RTEL1: variants seen among roughly 807,000 people sequenced by gnomAD.
RTEL1 encodes regulator of telomere elongation helicase 1.
Under a neutral mutation model 162.2 loss-of-function variants are expected in RTEL1, and 86 were observed. That is an observed-to-expected ratio of 0.53 (90% CI 0.45 to 0.63). The LOEUF (loss-of-function observed/expected upper bound fraction) is 0.63. Among genes scored for constraint, RTEL1 ranks in the 30% least tolerant of loss-of-function variants. The pLI, the probability that RTEL1 is intolerant of heterozygous loss-of-function variation, is 0.00. For synonymous variants in RTEL1, 958 were observed against 717.9 expected (o/e 1.33, Z -5.35); for missense variants, 1,941 against 1,750.2 (o/e 1.11, Z -1.95).
chr20:63,689,584 C>T lies in RTEL1; in HGVS notation c.1961C>T (p.Pro654Leu), dbSNP rs756319530. 37 of 1,612,250 alleles carry T rather than the reference C, an allele frequency of 2.3e-5. No homozygotes were observed. The highest frequency in any genetic ancestry group is 1.7e-5 in the Admixed American group (1 of 59,976). The change falls in exon 23 of 35, where the codon CCC becomes CTC. Residue 654 changes from proline to leucine, a missense_variant. Physicochemically the swap from Pro to Leu is moderately conservative, Grantham distance 98. Coordinates refer to ENST00000360203, the MANE Select transcript of RTEL1 (RefSeq NM_001283009.2). ...TGLPYPPRMD[P>L]RVVLKMQFLD... ...CTCCCGTACCCCCCACGCATGGACC[C>T]CCGGGTTGTCCTCAAGATGCAGTTC... is the stretch of plus-strand genomic sequence containing the variant.
chr20:63,694,928 G>C lies in RTEL1; in HGVS notation c.3297G>C (p.Leu1099Phe), dbSNP rs1478331321. ...DDDLDKVLAV[L>F]AALTTAKPED... ...ACCTCGACAAGGTGCTGGCTGTGTT[G>C]GCCGCCCTGACCACTGCAAAGCCAG... Residue 1099 changes from leucine (L) to phenylalanine (F), a missense_variant, in exon 32 of 35, where the codon TTG becomes TTC. By Grantham distance (22) the Leu-to-Phe change is conservative. Coordinates refer to ENST00000360203, the MANE Select transcript of RTEL1 (RefSeq NM_001283009.2). 4 of 1,612,470 alleles carry C rather than the reference G, an allele frequency of 2.5e-6. No homozygotes were observed. Among genetic ancestry groups the C allele is most frequent in the Non-Finnish European group, 3.4e-6 (4 of 1,179,880 alleles).
chr20:63,673,927 G>T lies in RTEL1; in HGVS notation c.766-13G>T, dbSNP rs1252025798. The stretch of plus-strand genomic sequence containing the variant: ...TCCTGTTCTGTGGTGATTCGGGTGT[G>T]CTTGGGCTCTAGGAGAAGATGTGTG... On this transcript the variant is annotated splice_polypyrimidine_tract_variant and intron_variant, in intron 9 of 34. Transcript: ENST00000360203. 1.9e-6 allele frequency: 3 copies of T among 1,604,606 alleles called. No individual in the cohort carries two copies. The highest frequency in any genetic ancestry group is 2.2e-5 in the South Asian group (2 of 89,944).
intron 6 of RTEL1, among the ~76,000 whole-genome samples, chr20:63,664,319 G>A (rs896958732): frequency 2.6e-5 from 4 of 152,336 alleles, no homozygotes; most frequent in African/African-American, 7.2e-5. Flanking sequence ...CCCATGCAGC[G>A]GGGGTCCTTG....
At chr20:63,689,412 C>T (rs1007224981) in intron 22 of RTEL1, 90 bp from the exon 23 acceptor site, 19 of 1,402,476 alleles carry the variant, frequency 1.4e-5, no homozygotes, top group Middle Eastern at 2.5e-4. Flanking sequence ...TGGTTGGGGA[C>T]GGAGCCTCGG....
At chr20:63,663,972 G>A (rs529031638) in intron 6 of RTEL1, among the ~76,000 whole-genome samples, 1 of 152,190 alleles carries the variant, frequency 6.6e-6, no homozygotes, top group African/African-American at 2.4e-5. Context: ...GGCCTGCAGG[G>A]AGGCTCCCGC....
rs1365051302 is a variant in RTEL1, at chr20:63,668,892, G to T, written c.699+1339G>T. 6.6e-6 allele frequency among the ~76,000 whole-genome samples: 1 copy of T among 152,236 alleles called. No homozygotes were observed. Among genetic ancestry groups the T allele is most frequent in the Non-Finnish European group, 1.5e-5 (1 of 68,024 alleles). ...TCGCTGGTTTCAAGACTCCTCTAAAGCTGCAGGAGTGGAGGTGGAGATGGC... is the reference window on the plus strand; with the variant it reads ...TCGCTGGTTTCAAGACTCCTCTAAATCTGCAGGAGTGGAGGTGGAGATGGC... On this transcript the variant is annotated intron_variant, in intron 8 of 34. Transcript: ENST00000360203. This position sits in a 1 kb window ranked among gnomAD's most constrained non-coding sequence, Gnocchi z 4.3.
At chr20:63,667,148 T>C (rs574911132) in intron 7 of RTEL1, among the ~76,000 whole-genome samples, 2 of 152,316 alleles carry the variant, frequency 1.3e-5, no homozygotes, top group South Asian at 4.1e-4. Flanking sequence ...CCAGCTCTGC[T>C]TTTTCTTAGT....
chr20:63,693,003 G>A lies in RTEL1; in HGVS notation c.2851G>A (p.Gly951Ser), dbSNP rs6089959. 1 of 1,612,412 alleles carries A rather than the reference G, an allele frequency of 6.2e-7. No individual in the cohort carries two copies. The highest frequency in any genetic ancestry group is 1.7e-5 in the Admixed American group (1 of 59,996). ...EDPKKHNLLQ[G>S]FYQFVRPHHK... ...CCCCAAGAAGCACAACCTGCTCCAA[G>A]GTGCCCTGGCTTGCAGAGGCCACCC... The change falls in exon 29 of 35, where the codon GGC (glycine) becomes AGC (serine). Residue 951 changes from glycine to serine, a missense_variant and splice_region_variant. Coordinates refer to ENST00000360203, the MANE Select transcript of RTEL1 (RefSeq NM_001283009.2).
chr20:63,694,709 C>A, intron 31 of RTEL1, 32 bp from the exon 32 acceptor site: 1 of 1,539,260 alleles, frequency 6.5e-7, no homozygotes, highest in South Asian at 1.2e-5. Flanking sequence ...TCCACCCCAG[C>A]GCCACTCTGA....
chr20:63,677,217 A>G (rs2738782), intron 10 of RTEL1, among the ~76,000 whole-genome samples: 104,125 of 152,136 alleles, frequency 0.68, 37,025 homozygotes, highest in African/African-American at 0.89. Context: ...AAGACCCGCC[A>G]TGCGGCAGCG....
chr20:63,694,299 G>GGCCCGCCCCCCCCC, intron 30 of RTEL1, 73 bp from the exon 31 acceptor site: 1 of 841,720 alleles, frequency 1.2e-6, no homozygotes, highest in East Asian at 2.8e-5. Context: ...TCCCTAGCCA[G>GGCCCGCCCCCCCCC]CCCTGCCCCC....
intron 10 of RTEL1, among the ~76,000 whole-genome samples, chr20:63,675,676 G>T (rs2090334455): frequency 6.6e-6 from 1 of 152,194 alleles, no homozygotes; most frequent in Admixed American, 6.5e-5. Flanking sequence ...ACTGCCACCG[G>T]CTCTCAAGAT....
rs749254554 is a variant in RTEL1, at chr20:63,695,664, C to T, written c.3822+14C>T. 1 of 1,611,000 alleles carries T rather than the reference C, an allele frequency of 6.2e-7. No individual in the cohort carries two copies. Among genetic ancestry groups the T allele is most frequent in the Non-Finnish European group, 8.5e-7 (1 of 1,179,712 alleles). ...CGGCACCTTCAGGTTGGTGCCTGGC[C>T]ACTACAGTTCCTGCTGGGTGTAGCC... is the stretch of plus-strand genomic sequence containing the variant. On this transcript the variant is annotated intron_variant, in intron 34 of 34. Transcript: ENST00000360203.
At chr20:63,663,002 GC>G in intron 6 of RTEL1, 113 bp downstream of exon 6, 1 of 1,009,090 alleles carries the variant, frequency 9.9e-7, no homozygotes, top group Non-Finnish European at 1.6e-6. Context: ...GGCCAGTGCG[GC>G]CATGTACCTG....
chr20:63,682,466 C>G, intron 14 of RTEL1: 3 of 985,752 alleles, frequency 3.0e-6, no homozygotes, highest in Non-Finnish European at 3.6e-6. Flanking sequence ...ACGTGGCCTC[C>G]CAGGCCCCCA....
rs1364125662 is a variant in RTEL1 at position 63,674,069 on chromosome 20, T to G, written c.895T>G (p.Phe299Val). 6.2e-7 allele frequency: 1 copy of G among 1,612,908 alleles called. No homozygotes were observed. Among genetic ancestry groups the G allele is most frequent in the Admixed American group, 1.7e-5 (1 of 59,936 alleles). Residue 299 changes from phenylalanine to valine, a missense_variant, in exon 10 of 35, where the codon TTC becomes GTC. Coordinates refer to ENST00000360203, the MANE Select transcript of RTEL1 (RefSeq NM_001283009.2). Reference sequence around the variant, plus strand: ...GCAGCAGGGTGAGCCCCACCCGGAGTTCAGCGCGGACTCCCCCAGCCCAGG... The same window carrying G: ...GCAGCAGGGTGAGCCCCACCCGGAGGTCAGCGCGGACTCCCCCAGCCCAGG... Reference protein sequence around the residue: ...AAQQGEPHPEFSADSPSPGLN... With the variant: ...AAQQGEPHPEVSADSPSPGLN...
chr20:63,680,855 ACT>A (rs1350616187), intron 14 of RTEL1, 136 bp downstream of exon 14: 45 of 1,491,614 alleles, frequency 3.0e-5, no homozygotes, highest in East Asian at 4.8e-5. Flanking sequence ...TGATTGGCAA[ACT>A]CTCGGCTCCT....
intron 14 of RTEL1, among the ~76,000 whole-genome samples, chr20:63,684,140 T>G (rs1316661618): frequency 6.6e-6 from 1 of 152,132 alleles, no homozygotes; most frequent in Non-Finnish European, 1.5e-5. Context: ...GTGACGGAGC[T>G]TTGTGTCTGG....
intron 8 of RTEL1, among the ~76,000 whole-genome samples, chr20:63,671,693 G>C (rs1569088680): frequency 6.8e-6 from 1 of 146,956 alleles, no homozygotes; most frequent in Non-Finnish European, 1.5e-5. Flanking sequence ...GGGTTTCACA[G>C]TGTTCGCCAG....
Sources: gnomAD v4.1 joint callset for allele counts (sites outside exome capture counted in the v4.1 genomes callset) on GRCh38, gnomAD v4.1.1 for gene constraint, Gnocchi (gnomAD v3.1) non-coding constraint, MANE v1.5 for transcripts, NCBI Gene and HGNC (gene_info 2026-07-23, HGNC 2026-07-21) for gene names.